Variants in AK3 observed in about 807,000 individuals in gnomAD.
AK3 encodes GTP:AMP phosphotransferase AK3, mitochondrial.
A neutral mutation model predicts 23.7 loss-of-function variants in AK3; 27 were observed. The ratio of observed to expected loss-of-function variants is 1.14; its 90% confidence interval spans 0.84 to 1.57. The LOEUF is 1.57. AK3 is among the 40% of genes most tolerant of loss of function. AK3 has a pLI of 0.00. For missense variants in AK3, 406 were observed against 285.6 expected (o/e 1.42, Z -3.04); for synonymous variants, 159 against 116.0 (o/e 1.37, Z -2.38).
At chr9:4,736,697 T>C (rs774781421) in intron 1 of AK3, among the ~76,000 whole-genome samples, 2 of 152,074 alleles carry the variant, frequency 1.3e-5, no homozygotes, top group Non-Finnish European at 2.9e-5. Flanking sequence ...TCCTTTTTTT[T>C]TTTGAGACAG....
chr9:4,738,263 T>C (rs1842343056), intron 1 of AK3, among the ~76,000 whole-genome samples: 1 of 152,178 alleles, frequency 6.6e-6, no homozygotes, highest in Admixed American at 6.5e-5. Context: ...CCTCCCAGTT[T>C]CAAGTGATTC....
Position 4,741,114 on chromosome 9 carries a change from C to A in AK3, c.-27G>T. 1 of 1,489,652 alleles carries A rather than the reference C, an allele frequency of 6.7e-7. No individual in the cohort carries two copies. Among genetic ancestry groups the A allele is most frequent in the Non-Finnish European group, 8.9e-7 (1 of 1,119,078 alleles). The allele number at this position is 1,489,652 out of a possible 1,614,324, so 92.3% of individuals were successfully genotyped here. On this transcript the variant is annotated 5_prime_UTR_variant, in exon 1 of 5. Transcript: ENST00000381809. ...GCCGCAGACTGAGGCCCGCACCGCG[C>A]GGGTACCAGGGCTTTGGCCTGGCCT...
At chr9:4,720,689 C>A (rs200502946) in intron 2 of AK3, among the ~76,000 whole-genome samples, 173 of 140,134 alleles carry the variant, frequency 1.2e-3, no homozygotes, top group African/African-American at 1.2e-3. Flanking sequence ...ACACTGTCTC[C>A]AAAAAAAAAA....
intron 4 of AK3, among the ~76,000 whole-genome samples, chr9:4,714,350 T>C (rs1841663545): frequency 6.6e-6 from 1 of 152,188 alleles, no homozygotes; most frequent in East Asian, 1.9e-4. Context: ...GGGCTTTCAC[T>C]AAGGACAAAA....
In AK3 at chr9:4,718,525, G is replaced by A; in HGVS notation, c.457C>T (p.Leu153=). ...CGCTGAATGAGAGGCTCCCCAGTCA[G>A]GTCATCAATGCCCTAAACAGGATTA... The part of the protein sequence containing the change: ...NPPKTVGIDD[L]TGEPLIQRED... Residue 153 remains leucine (L), a synonymous_variant, in exon 4 of 5, where the codon CTG becomes TTG. Coordinates refer to ENST00000381809, the MANE Select transcript of AK3 (RefSeq NM_016282.4). 6.2e-7 allele frequency: 1 copy of A among 1,612,262 alleles called. No individual in the cohort carries two copies. The highest frequency in any genetic ancestry group is 8.5e-7 in the Non-Finnish European group (1 of 1,178,504).
intron 1 of AK3, among the ~76,000 whole-genome samples, chr9:4,735,163 G>A (rs1214950366): frequency 6.8e-6 from 1 of 147,868 alleles, no homozygotes; most frequent in Admixed American, 7.0e-5. Flanking sequence ...AGAGGCTAAA[G>A]AGGGGAGGAT....
At chr9:4,741,384 C>G, upstream of AK3, 1 of 302,270 alleles carries the variant, frequency 3.3e-6, no homozygotes, top group Non-Finnish European at 6.1e-6. Flanking sequence ...CTCGCTCGGC[C>G]GCCCAGCTCC....
At chr9:4,728,886 C>CATAT (rs1554627014) in intron 1 of AK3, among the ~76,000 whole-genome samples, 2 of 140,140 alleles carry the variant, frequency 1.4e-5, no homozygotes, top group African/African-American at 2.7e-5. Context: ...CACACACATA[C>CATAT]ATATATATAC....
intron 4 of AK3, among the ~76,000 whole-genome samples, chr9:4,715,477 C>G (rs553212917): frequency 6.7e-6 from 1 of 148,938 alleles, no homozygotes; most frequent in Non-Finnish European, 1.5e-5. Flanking sequence ...TCACTGCAGT[C>G]TTGACCCACT....
At position 4,713,110 on chromosome 9, in the gene AK3, AAAAAC is replaced by A; in HGVS notation, c.564-19_564-15del. The A allele has an allele frequency of 2.5e-6, 4 of 1,612,768 alleles. No homozygotes were observed. Among genetic ancestry groups the A allele is most frequent in the Middle Eastern group, 1.7e-4 (1 of 6,058 alleles). On this transcript the variant is annotated splice_polypyrimidine_tract_variant and intron_variant, in intron 4 of 4. Coordinates refer to ENST00000381809, the MANE Select transcript of AK3 (RefSeq NM_016282.4). ...ACCCCTTTTTTCCTAAAGATGAAAC[AAAAAC>A]AAAACAAACACACACAGGTCTGAGT...
intron 1 of AK3, among the ~76,000 whole-genome samples, chr9:4,730,216 T>C (rs1842121521): frequency 6.6e-6 from 1 of 152,190 alleles, no homozygotes; most frequent in African/African-American, 2.4e-5. Flanking sequence ...AGAACAGCGT[T>C]TCTTTTTGGA....
intron 1 of AK3, among the ~76,000 whole-genome samples, chr9:4,740,368 T>G (rs1003763771): frequency 1.3e-5 from 2 of 152,322 alleles, no homozygotes. Flanking sequence ...ATAGCCTTCG[T>G]GTCTACGAAA....
intron 1 of AK3, among the ~76,000 whole-genome samples, chr9:4,723,645 A>G (rs1414802264): frequency 2.6e-5 from 4 of 152,036 alleles, no homozygotes; most frequent in Admixed American, 2.6e-4. Context: ...TCTTTTTGTC[A>G]CTTAGCATTA....
intron 1 of AK3, among the ~76,000 whole-genome samples, chr9:4,736,789 C>T (rs1282010878): frequency 2.0e-5 from 3 of 151,722 alleles, no homozygotes; most frequent in African/African-American, 7.3e-5. Flanking sequence ...ACAATCCTCT[C>T]GCCTCAGCCT....
At position 4,711,968 on chromosome 9, in the gene AK3, A is replaced by G. The variant is rs1841573396; in HGVS notation, c.*1008T>C. Reference sequence around the variant, plus strand: ...TTATGATTGATTGCTATTTATGCCAAGGGAGCATTTCCCAGGCATGCCTCA... The same window carrying G: ...TTATGATTGATTGCTATTTATGCCAGGGGAGCATTTCCCAGGCATGCCTCA... On this transcript the variant is annotated 3_prime_UTR_variant, in exon 5 of 5. Coordinates refer to ENST00000381809, the MANE Select transcript of AK3 (RefSeq NM_016282.4). 1 of 152,202 alleles carries G rather than the reference A, an allele frequency of 6.6e-6. No individual in the cohort carries two copies. The highest frequency in any genetic ancestry group is 2.1e-4 in the South Asian group (1 of 4,828). 9.4% of individuals were successfully genotyped at this position (152,202 alleles called of 1,614,324 possible).
At chr9:4,721,216 A>T (rs1841886605) in intron 2 of AK3, among the ~76,000 whole-genome samples, 1 of 152,070 alleles carries the variant, frequency 6.6e-6, no homozygotes, top group African/African-American at 2.4e-5. Context: ...CAGTCTGGCC[A>T]ACATAGTGAA....
chr9:4,713,124 C>G, intron 4 of AK3, 28 bp from the exon 5 acceptor site: 2 of 1,611,478 alleles, frequency 1.2e-6, no homozygotes, highest in South Asian at 1.1e-5. Context: ...ACAAAACAAA[C>G]ACACACAGGT....
intron 1 of AK3, among the ~76,000 whole-genome samples, chr9:4,728,961 A>C (rs1029882253): frequency 1.3e-5 from 1 of 77,678 alleles, no homozygotes. Context: ...ATATATACAC[A>C]TACATATATA....
chr9:4,728,974 C>G (rs899759486), intron 1 of AK3, among the ~76,000 whole-genome samples: 1 of 134,232 alleles, frequency 7.4e-6, no homozygotes. Flanking sequence ...CATATATATA[C>G]CTACATATAT....
Sources: gnomAD v4.1 joint callset for allele counts (sites outside exome capture counted in the v4.1 genomes callset) on GRCh38, gnomAD v4.1.1 for gene constraint, MANE v1.5 for transcripts, NCBI Gene and HGNC (gene_info 2026-07-23, HGNC 2026-07-21) for gene names.